The following MRFAP1L2 variants were observed in gnomAD, a reference collection of about 807,000 sequenced individuals.
MRFAP1L2 encodes MORF4 family-associated protein 1-like protein UPP.
chr4:6,674,586 C>T, the MRFAP1L2 span: 3 of 627,606 alleles, frequency 4.8e-6, no homozygotes, highest in Non-Finnish European at 8.5e-6. Flanking sequence ...GGCGAGGCCG[C>T]GCGGGTCTGG....
chr4:6,676,034 A>T, the MRFAP1L2 span: 1 of 152,246 alleles, frequency 6.6e-6, no homozygotes, highest in African/African-American at 2.4e-5. Context: ...GTAAATAAAC[A>T]TTTTTCAAAA....
the MRFAP1L2 span, chr4:6,674,474 C>T: frequency 3.0e-6 from 2 of 665,712 alleles, no homozygotes; most frequent in South Asian, 1.5e-5. Flanking sequence ...GGTGGCTCGG[C>T]TGTGCGCCGA....
chr4:6,674,160 C>T, the MRFAP1L2 span: 14 of 386,478 alleles, frequency 3.6e-5, no homozygotes, highest in Non-Finnish European at 5.5e-5. Context: ...TCCGCGCTCG[C>T]TGCTGGTGAG....
the MRFAP1L2 span, chr4:6,674,099 G>C: frequency 2.6e-6 from 1 of 384,148 alleles, no homozygotes; most frequent in Non-Finnish European, 4.6e-6. Flanking sequence ...TCCTCGCTGC[G>C]GAAAGTTGGG....
the MRFAP1L2 span, chr4:6,674,313 T>TGGAGCG: frequency 1.6e-6 from 1 of 616,028 alleles, no homozygotes; most frequent in East Asian, 3.4e-5. Flanking sequence ...CTGGCCTCCC[T>TGGAGCG]GGAGCGCGAG....
At chr4:6,674,417 G>C in the MRFAP1L2 span, 10 of 653,772 alleles carry the variant, frequency 1.5e-5, no homozygotes, top group Admixed American at 2.3e-4. Context: ...AGAGGAGCGG[G>C]GCGCCCGGGC....
the MRFAP1L2 span, chr4:6,675,854 A>T: frequency 6.6e-6 from 1 of 152,258 alleles, no homozygotes; most frequent in Non-Finnish European, 1.5e-5. Context: ...TTCCAGGCTT[A>T]GATGATGACT....
the MRFAP1L2 span, chr4:6,674,579 G>A: frequency 0.015 from 9,513 of 632,706 alleles, 134 homozygotes; most frequent in Non-Finnish European, 0.017. Flanking sequence ...CTGAGCCGGC[G>A]AGGCCGCGCG....
the MRFAP1L2 span, chr4:6,674,675 T>A: frequency 3.8e-6 from 2 of 527,214 alleles, no homozygotes; most frequent in Non-Finnish European, 6.6e-6. Context: ...TGCCACGCTC[T>A]CCGCGGAGTT....
chr4:6,674,576 G>C, the MRFAP1L2 span: 10 of 636,322 alleles, frequency 1.6e-5, no homozygotes, highest in African/African-American at 1.7e-4. Context: ...CTGCTGAGCC[G>C]GCGAGGCCGC....
At chr4:6,674,624 G>T in the MRFAP1L2 span, 1 of 577,384 alleles carries the variant, frequency 1.7e-6, no homozygotes, top group Non-Finnish European at 3.0e-6. Context: ...AGTGTCCCGC[G>T]TGGAAGGCGC....
the MRFAP1L2 span, chr4:6,674,717 A>G: frequency 3.8e-6 from 2 of 523,914 alleles, no homozygotes; most frequent in African/African-American, 2.0e-5. Flanking sequence ...GTAATTAGAG[A>G]AAATAATTTG....
chr4:6,675,856 A>G, the MRFAP1L2 span: 2 of 152,252 alleles, frequency 1.3e-5, no homozygotes, highest in Non-Finnish European at 2.9e-5. Flanking sequence ...CCAGGCTTAG[A>G]TGATGACTAG....
the MRFAP1L2 span, chr4:6,674,213 A>G: frequency 2.5e-6 from 1 of 399,848 alleles, no homozygotes; most frequent in Non-Finnish European, 4.4e-6. Flanking sequence ...CGGCGGCGTG[A>G]TGCGGCCCGT....
chr4:6,674,590 G>A, the MRFAP1L2 span: 5 of 613,978 alleles, frequency 8.1e-6, no homozygotes, highest in South Asian at 7.1e-5. Flanking sequence ...AGGCCGCGCG[G>A]GTCTGGAGCG....
the MRFAP1L2 span, chr4:6,674,508 C>T: frequency 3.0e-6 from 2 of 670,878 alleles, no homozygotes; most frequent in Non-Finnish European, 5.4e-6. Flanking sequence ...GCTGCGGAGG[C>T]GGCGCGGATG....
chr4:6,675,301 T>A, the MRFAP1L2 span: 1 of 152,264 alleles, frequency 6.6e-6, no homozygotes, highest in East Asian at 1.9e-4. Context: ...CTTATTGTAT[T>A]TTCAAAGTTT....
At chr4:6,674,841 G>C in the MRFAP1L2 span, 2 of 409,714 alleles carry the variant, frequency 4.9e-6, no homozygotes, top group African/African-American at 2.1e-5. Flanking sequence ...GGAAACGTGT[G>C]AATGTTGTTA....
the MRFAP1L2 span, chr4:6,674,794 CG>C: frequency 2.1e-6 from 1 of 477,204 alleles, no homozygotes; most frequent in Non-Finnish European, 3.7e-6. Flanking sequence ...TGGGTCACTA[CG>C]TGGGGGGAGA....
Sources: gnomAD v4.1 joint callset for allele counts on GRCh38, gnomAD v4.1.1 for gene constraint, MANE v1.5 for transcripts, NCBI Gene and HGNC (gene_info 2026-07-23, HGNC 2026-07-21) for gene names.